Variants in INTS1 observed in about 807,000 individuals in gnomAD.
INTS1 encodes integrator complex subunit 1.
INTS1 carries 137 observed loss-of-function variants against 241.6 expected under a neutral mutation model. The observed-to-expected ratio is 0.57, with a 90% CI of 0.49 to 0.65. INTS1 has a LOEUF of 0.65. Among genes scored for constraint, INTS1 ranks in the 30% least tolerant of loss-of-function variants. INTS1 has a pLI of 0.00. For synonymous variants in INTS1, 1,692 were observed against 1,337.8 expected, an observed-to-expected ratio of 1.26 and a Z score of -5.78; for missense variants, 3,073 against 3,032.2, an observed-to-expected ratio of 1.01 and a Z score of -0.32.
chr7:1,487,626 G>A (rs934470596), intron 19 of INTS1, 134 bp downstream of exon 19: 5 of 1,287,044 alleles, frequency 3.9e-6, no homozygotes, highest in South Asian at 1.3e-5. Flanking sequence ...ACGCGGGGAC[G>A]GGGCTCCACA....
In INTS1 at chr7:1,504,385, A is replaced by C. The variant is rs1295587918; in HGVS notation, c.-104T>G. 6 of 474,254 alleles carry C rather than the reference A, an allele frequency of 1.3e-5. No individual in the cohort carries two copies. Among genetic ancestry groups the C allele is most frequent in the South Asian group, 7.7e-5 (5 of 64,930 alleles). The allele number at this position is 474,254 out of a possible 1,614,324, so 29.4% of individuals were successfully genotyped here. On this transcript the variant is annotated 5_prime_UTR_variant, in exon 1 of 48. Transcript: ENST00000404767. ...CCGGCCACCCCGGAATCGGAAACCG[A>C]TCTCACCGCCCTCGAGGACCCGACT...
rs368648049 is a variant in INTS1, at chr7:1,486,599, G to A, written c.2976+26C>T. The A allele has an allele frequency of 4.0e-5, 65 of 1,605,408 alleles. No homozygotes were observed. The African/African-American group carries it at 4.9e-4, about 12-fold the overall frequency. ...CTCATTTTAAACATGAAGAGCGTGCGCAGAAAGACCCGCCCACCACCTCAC... is the reference window on the plus strand; with the variant it reads ...CTCATTTTAAACATGAAGAGCGTGCACAGAAAGACCCGCCCACCACCTCAC... On this transcript the variant is annotated intron_variant, in intron 22 of 47. Transcript: ENST00000404767.
intron 18 of INTS1, among the ~76,000 whole-genome samples, chr7:1,489,034 C>T (rs1414241837): frequency 6.6e-6 from 1 of 152,132 alleles, no homozygotes; most frequent in African/African-American, 2.4e-5. Flanking sequence ...CATCGCACCA[C>T]CCCCAGCCTG....
At position 1,487,307 on chromosome 7, in the gene INTS1, C is replaced by T. The variant is rs1782318363; in HGVS notation, c.2646+13G>A. On this transcript the variant is annotated intron_variant, in intron 20 of 47. Transcript: ENST00000404767. ...AGACCACCATCTCTACCTCCTGGAG[C>T]CTCGGCACTCACCTGCCGCTGGATG... 4.4e-6 allele frequency: 7 copies of T among 1,579,834 alleles called. No homozygotes were observed. The highest frequency in any genetic ancestry group is 6.0e-6 in the Non-Finnish European group (7 of 1,163,374).
At chr7:1,500,416 C>T in intron 3 of INTS1, 50 bp from the exon 4 acceptor site, 1 of 1,465,818 alleles carries the variant, frequency 6.8e-7, no homozygotes, top group African/African-American at 1.4e-5. Context: ...CAGGGTCACC[C>T]CAAAGCCTCG....
Position 1,487,961 on chromosome 7 carries a change from G to A in INTS1, c.2319-4C>T. The A allele has an allele frequency of 6.2e-7, 1 of 1,612,766 alleles. No individual in the cohort carries two copies. The highest frequency in any genetic ancestry group is 8.5e-7 in the Non-Finnish European group (1 of 1,179,598). Reference sequence around the variant, plus strand: ...GCACGGTGGGTAGGAGTAGTTGCTAGGGCCAGACGGGGGAGCGTGTCACCC... The same window carrying A: ...GCACGGTGGGTAGGAGTAGTTGCTAAGGCCAGACGGGGGAGCGTGTCACCC... On this transcript the variant is annotated splice_polypyrimidine_tract_variant and splice_region_variant and intron_variant, in intron 18 of 47. Coordinates refer to ENST00000404767, the MANE Select transcript of INTS1 (RefSeq NM_001080453.3).
rs756127083 is a variant in INTS1, at chr7:1,499,098, G to A, written c.1014C>T (p.Asn338=). 6.2e-7 allele frequency: 1 copy of A among 1,610,796 alleles called. No homozygotes were observed. Among genetic ancestry groups the A allele is most frequent in the African/African-American group, 1.3e-5 (1 of 74,974 alleles). The change falls in exon 8 of 48, where the codon AAC becomes AAT. Residue 338 remains asparagine (N), a synonymous_variant. Transcript: ENST00000404767. The stretch of plus-strand genomic sequence containing the variant: ...AGACGTTGTCGATGGGCTGGCGCCG[G>A]TTCAGCTGGTCCCGCAGCATGTCCA... ...YVLDMLRDQL[N]RRQPIDNVSR...
At position 1,497,292 on chromosome 7, in the gene INTS1, T is replaced by C; in HGVS notation, c.1448A>G (p.Asp483Gly). Residue 483 changes from aspartate to glycine, a missense_variant, in exon 11 of 48, where the codon GAC (aspartate) becomes GGC (glycine). Asp to Gly is a moderately conservative substitution (Grantham distance 94). Transcript: ENST00000404767. The surrounding 1 kb of genome is among the most constrained non-coding windows in gnomAD (Gnocchi z 5.3). ...GTAGTCGTCCTTGTTGGTCAGCAGG[T>C]CCTGGAACACCATGGCCAGGAACTG... ...APKFLAMVFQ[D>G]LLTNKDDYLR... 1.2e-6 allele frequency: 2 copies of C among 1,612,978 alleles called. No homozygotes were observed. The highest frequency in any genetic ancestry group is 1.7e-6 in the Non-Finnish European group (2 of 1,179,594).
intron 8 of INTS1, 34 bp downstream of exon 8, chr7:1,498,941 C>CGGGG: frequency 7.4e-7 from 1 of 1,344,070 alleles, no homozygotes; most frequent in Non-Finnish European, 1.0e-6. Flanking sequence ...CCCCCACCCC[C>CGGGG]TGCCCCGCCC....
In INTS1 at chr7:1,502,887, C is replaced by T. The variant is rs1349704084; in HGVS notation, c.349+14G>A. On this transcript the variant is annotated intron_variant, in intron 3 of 47. Transcript: ENST00000404767. ...CTGAGGGGTGTTCTCGGGGGATGTC[C>T]ACAGACTCATTACCTTCAATTGGCA... is the stretch of plus-strand genomic sequence containing the variant. The T allele has an allele frequency of 2.5e-6, 4 of 1,613,272 alleles. No individual in the cohort carries two copies. The African/African-American group carries it at 4.0e-5, about 16-fold the overall frequency.
intron 31 of INTS1, 133 bp downstream of exon 31, chr7:1,479,297 G>C (rs1781881255): frequency 9.1e-7 from 1 of 1,096,166 alleles, no homozygotes; most frequent in African/African-American, 1.6e-5. Flanking sequence ...CACTCCCTGG[G>C]GCACTGTCCT....
intron 3 of INTS1, among the ~76,000 whole-genome samples, chr7:1,501,827 C>T (rs1445974690): frequency 2.0e-5 from 3 of 152,182 alleles, no homozygotes; most frequent in African/African-American, 4.8e-5. Flanking sequence ...AAACACTGCC[C>T]ACAGCGCCCA....
chr7:1,484,233 G>A lies in INTS1; in HGVS notation c.3262-63C>T, dbSNP rs1046034401. 75 of 1,528,344 alleles carry A rather than the reference G, an allele frequency of 4.9e-5. No individual in the cohort carries two copies. In the Middle Eastern group the frequency reaches 1.3e-3, roughly 26 times the overall value. The allele number at this position is 1,528,344 out of a possible 1,614,324, so 94.7% of individuals were successfully genotyped here. ...CAGCTCTGCTCTCCGGCCAGCTGGG[G>A]TGACCTCGTCGCAGGCACGCTCTCA... On this transcript the variant is annotated intron_variant, in intron 24 of 47. Transcript: ENST00000404767.
At chr7:1,473,850 G>A (rs1299676530) in intron 41 of INTS1, among the ~76,000 whole-genome samples, 157 bp from the exon 42 acceptor site, 2 of 152,266 alleles carry the variant, frequency 1.3e-5, no homozygotes, top group Non-Finnish European at 2.9e-5. Context: ...AGGGTGGCCG[G>A]CATGGCCTGT....
intron 32 of INTS1, 104 bp downstream of exon 32, chr7:1,478,622 C>G: frequency 2.0e-6 from 3 of 1,491,672 alleles, no homozygotes; most frequent in South Asian, 2.6e-5. Context: ...GTACCCACCC[C>G]CCAAGCCACT....
At position 1,502,928 on chromosome 7, in the gene INTS1, T is replaced by C. The variant is rs1192130805; in HGVS notation, c.322A>G (p.Lys108Glu). The C allele has an allele frequency of 3.1e-6, 5 of 1,613,812 alleles. No individual in the cohort carries two copies. Among genetic ancestry groups the C allele is most frequent in the Admixed American group, 1.7e-5 (1 of 60,024 alleles). ...AEKRAISPSI[K>E]EPSVVPIEVL... Reference sequence around the variant, plus strand: ...TCAATTGGCACCACAGATGGCTCTTTAATCGACGGAGAAATGGCTCGTTTT... The same window carrying C: ...TCAATTGGCACCACAGATGGCTCTTCAATCGACGGAGAAATGGCTCGTTTT... Residue 108 changes from lysine (K) to glutamate (E), a missense_variant, in exon 3 of 48, where the codon AAA (lysine) becomes GAA (glutamate). Transcript: ENST00000404767.
intron 13 of INTS1, 77 bp from the exon 14 acceptor site, chr7:1,494,970 C>G (rs1476024520): frequency 1.3e-6 from 2 of 1,507,000 alleles, no homozygotes; most frequent in African/African-American, 1.4e-5. Context: ...GGGAAGGGAC[C>G]CCGCTCCCAC....
intron 38 of INTS1, 26 bp from the exon 39 acceptor site, chr7:1,476,097 C>G (rs570634261): frequency 6.5e-7 from 1 of 1,532,468 alleles, no homozygotes; most frequent in African/African-American, 1.4e-5. Flanking sequence ...CAGGGCTCAC[C>G]AGGCGGACGG....
In INTS1 at chr7:1,470,972, C is replaced by G. The variant is rs545871067; in HGVS notation, c.6348-17G>C. On this transcript the variant is annotated splice_polypyrimidine_tract_variant and intron_variant, in intron 46 of 47. Coordinates refer to ENST00000404767, the MANE Select transcript of INTS1 (RefSeq NM_001080453.3). Reference sequence around the variant, plus strand: ...GCTGCAATGCTGAAAGACCCACACACTTCAGTGGGAACCTCCACCCTGTGC... The same window carrying G: ...GCTGCAATGCTGAAAGACCCACACAGTTCAGTGGGAACCTCCACCCTGTGC... 2.6e-6 allele frequency: 4 copies of G among 1,545,982 alleles called. No individual in the cohort carries two copies. In the South Asian group the frequency reaches 3.6e-5, roughly 14 times the overall value.
Sources: allele counts gnomAD v4.1 joint callset (sites outside exome capture counted in the v4.1 genomes callset), GRCh38; gene constraint gnomAD v4.1.1; non-coding constraint Gnocchi (gnomAD v3.1); transcripts MANE v1.5; gene names NCBI Gene and HGNC (gene_info 2026-07-23, HGNC 2026-07-21).